Variants in ZBTB34 observed in about 807,000 individuals in gnomAD.
The protein encoded by ZBTB34 is zinc finger and BTB domain-containing protein 34.
A neutral mutation model predicts 33.4 loss-of-function variants in ZBTB34; 1 was observed. The observed-to-expected ratio is 0.03, with a 90% CI of 0.01 to 0.14. ZBTB34 has a LOEUF of 0.14. Among genes scored for constraint, ZBTB34 ranks in the 10% least tolerant of loss-of-function variants. The pLI, the probability that ZBTB34 is intolerant of heterozygous loss-of-function variation, is 1.00. For synonymous variants in ZBTB34, 283 were observed against 253.5 expected (o/e 1.12, Z -1.11); for missense variants, 406 against 657.2 (o/e 0.62, Z 4.18).
Position 126,870,556 on chromosome 9 carries a change from A to G in ZBTB34, c.-10-8834A>G, listed in dbSNP as rs376817535. 3.3e-5 allele frequency among the ~76,000 whole-genome samples: 5 copies of G among 152,376 alleles called. No individual in the cohort carries two copies. The South Asian group carries it at 6.2e-4, about 19-fold the overall frequency. Reference sequence around the variant, plus strand: ...TAAAAAAGGCAAATAAGGGCAAAGGATATGAGTAGGCAGTTCAAAGACAAA... The same window carrying G: ...TAAAAAAGGCAAATAAGGGCAAAGGGTATGAGTAGGCAGTTCAAAGACAAA... On this transcript the variant is annotated intron_variant, in intron 1 of 1. Coordinates refer to ENST00000319119, the Ensembl canonical transcript of ZBTB34.
rs2033410408 is a variant in ZBTB34, at chr9:126,879,883, G to A, written c.484G>A (p.Ala162Thr). Reference sequence around the variant, plus strand: ...CGGAGTGAAAGACAGCAGCTTCTTTGCCAACCCAGTGGAGATCTCTCCTCC... The same window carrying A: ...CGGAGTGAAAGACAGCAGCTTCTTTACCAACCCAGTGGAGATCTCTCCTCC... Residue 162 changes from alanine to threonine, a missense_variant, in exon 2 of 2, where the codon GCC (alanine) becomes ACC (threonine). Ala to Thr is a moderately conservative substitution (Grantham distance 58). Coordinates refer to ENST00000319119, the Ensembl canonical transcript of ZBTB34. This position sits in a 1 kb window ranked among gnomAD's most constrained non-coding sequence, Gnocchi z 6.4. The A allele has an allele frequency of 6.2e-7, 1 of 1,613,002 alleles. No individual in the cohort carries two copies. The highest frequency in any genetic ancestry group is 1.3e-5 in the African/African-American group (1 of 75,032).
chr9:126,871,402 C>G (rs1273988587), intron 1 of ZBTB34, among the ~76,000 whole-genome samples: 4 of 143,086 alleles, frequency 2.8e-5, no homozygotes, highest in African/African-American at 1.0e-4. Flanking sequence ...CTCGCTCTGT[C>G]GCCAGGCTGG....
exon 2 of ZBTB34, chr9:126,885,746 T>C (rs141947749): frequency 1.1e-4 from 19 of 167,250 alleles, no homozygotes; most frequent in African/African-American, 4.6e-4. Context: ...TGTTTTAGAT[T>C]TGTGACATGA....
Position 126,879,811 on chromosome 9 carries a change from G to A in ZBTB34, c.412G>A (p.Val138Ile). ...CCATTCCAAAATCAGCGTTGGAGAT[G>A]TTGACTCTGTTACCGTCGGTGCTGA... The change falls in exon 2 of 2, where the codon GTT (valine) becomes ATT (isoleucine). Residue 138 changes from valine (V) to isoleucine (I), a missense_variant. Physicochemically the swap from Val to Ile is conservative, Grantham distance 29. Coordinates refer to ENST00000319119, the Ensembl canonical transcript of ZBTB34. This position sits in a 1 kb window ranked among gnomAD's most constrained non-coding sequence, Gnocchi z 6.4. 6.2e-7 allele frequency: 1 copy of A among 1,613,308 alleles called. No individual in the cohort carries two copies. Among genetic ancestry groups the A allele is most frequent in the Non-Finnish European group, 8.5e-7 (1 of 1,179,882 alleles).
intron 1 of ZBTB34, among the ~76,000 whole-genome samples, chr9:126,870,696 G>A (rs544626732): frequency 6.6e-6 from 1 of 152,310 alleles, no homozygotes; most frequent in South Asian, 2.1e-4. Flanking sequence ...GGAGGCCGAG[G>A]TGGGTGGATC....
At chr9:126,872,911 T>A (rs2033299907) in intron 1 of ZBTB34, among the ~76,000 whole-genome samples, 1 of 152,228 alleles carries the variant, frequency 6.6e-6, no homozygotes, top group South Asian at 2.1e-4. Flanking sequence ...GCGTTCCGTT[T>A]TTCTCAGTGA....
In ZBTB34 at chr9:126,879,973, A is replaced by C; in HGVS notation, c.574A>C (p.Lys192Gln). 1 of 1,613,414 alleles carries C rather than the reference A, an allele frequency of 6.2e-7. No individual in the cohort carries two copies. The highest frequency in any genetic ancestry group is 8.5e-7 in the Non-Finnish European group (1 of 1,179,894). Residue 192 changes from lysine to glutamine, a missense_variant, in exon 2 of 2, where the codon AAA (lysine) becomes CAA (glutamine). Around this residue, in one of 6 missense-constraint regions of ZBTB34, gnomAD observed 137 missense variants for 173.0 expected, o/e 0.79. Transcript: ENST00000319119. The surrounding 1 kb of genome is among the most constrained non-coding windows in gnomAD (Gnocchi z 6.4). ...CCTCCGGATGGAGACGACCCCCAGC[A>C]AAGCTTTGCGCAGCCGCTTACAGGA... is the stretch of plus-strand genomic sequence containing the variant.
At chr9:126,865,919 A>G (rs554836603) in intron 1 of ZBTB34, among the ~76,000 whole-genome samples, 1 of 152,216 alleles carries the variant, frequency 6.6e-6, no homozygotes, top group East Asian at 1.9e-4. Flanking sequence ...TGGGTGGCGG[A>G]GGTTACAGTG....
intron 1 of ZBTB34, among the ~76,000 whole-genome samples, chr9:126,869,971 A>G (rs1386221615): frequency 6.6e-6 from 1 of 152,252 alleles, no homozygotes; most frequent in Non-Finnish European, 1.5e-5. Context: ...TTTTATAAAC[A>G]AAAACAGAAT....
chr9:126,879,848 A>G lies in ZBTB34; in HGVS notation c.449A>G (p.Glu150Gly). ...ACCGTCGGTGCTGAAGAGAATCCCG[A>G]GAGTCGAAACGGAGTGAAAGACAGC... Residue 150 changes from glutamate to glycine, a missense_variant, in exon 2 of 2, where the codon GAG becomes GGG. Transcript: ENST00000319119. The surrounding 1 kb of genome is among the most constrained non-coding windows in gnomAD (Gnocchi z 6.4). 2 of 1,613,092 alleles carry G rather than the reference A, an allele frequency of 1.2e-6. No homozygotes were observed. The highest frequency in any genetic ancestry group is 2.2e-5 in the South Asian group (2 of 91,082).
chr9:126,870,001 G>A (rs893575806), intron 1 of ZBTB34, among the ~76,000 whole-genome samples: 5 of 152,086 alleles, frequency 3.3e-5, no homozygotes, highest in African/African-American at 9.7e-5. Flanking sequence ...AATACGTATC[G>A]ATACTGAAAA....
intron 1 of ZBTB34, among the ~76,000 whole-genome samples, chr9:126,867,576 A>G (rs2033223769): frequency 6.7e-6 from 1 of 150,174 alleles, no homozygotes. Flanking sequence ...AAATATGCAT[A>G]TATTTTTCCT....
chr9:126,861,439 T>G (rs1347029555), intron 1 of ZBTB34, among the ~76,000 whole-genome samples: 1 of 152,166 alleles, frequency 6.6e-6, no homozygotes, highest in East Asian at 1.9e-4. Context: ...GCCCCTTCCA[T>G]GCTAGGACTC....
At chr9:126,873,708 G>A (rs560388896) in intron 1 of ZBTB34, among the ~76,000 whole-genome samples, 18 of 152,026 alleles carry the variant, frequency 1.2e-4, no homozygotes, top group Admixed American at 1.1e-3. Flanking sequence ...GGGTTCAAGC[G>A]ATTCTCCTGC....
exon 1 of ZBTB34, chr9:126,860,684 G>A (rs1588381314): frequency 6.8e-6 from 1 of 146,590 alleles, no homozygotes; most frequent in South Asian, 1.8e-4. Context: ...GCCTGGCGCC[G>A]GCGGCGGCGG....
At chr9:126,864,979 C>T (rs988224251) in intron 1 of ZBTB34, among the ~76,000 whole-genome samples, 2 of 152,156 alleles carry the variant, frequency 1.3e-5, no homozygotes, top group African/African-American at 4.8e-5. Context: ...TGACTGAAGC[C>T]AGCAGGTGCA....
chr9:126,879,427 T>G lies in ZBTB34; in HGVS notation c.28T>G (p.Phe10Val). The G allele has an allele frequency of 6.2e-7, 1 of 1,613,134 alleles. No individual in the cohort carries two copies. Among genetic ancestry groups the G allele is most frequent in the Non-Finnish European group, 8.5e-7 (1 of 1,179,552 alleles). ...GTCAGTAGAAATGGACAGCAGCAGT[T>G]TTATTCAGTTTGATGTGCCCGAGTA... The change falls in exon 2 of 2, where the codon TTT becomes GTT. Residue 10 changes from phenylalanine to valine, a missense_variant. Physicochemically the swap from Phe to Val is conservative, Grantham distance 50. This residue lies in a region of ZBTB34 where 50 missense variants were observed against 157.9 expected (regional missense o/e 0.32). Transcript: ENST00000319119. The surrounding 1 kb of genome is among the most constrained non-coding windows in gnomAD (Gnocchi z 6.4).
chr9:126,874,110 T>C (rs1458520443), intron 1 of ZBTB34, among the ~76,000 whole-genome samples: 2 of 147,348 alleles, frequency 1.4e-5, no homozygotes, highest in Non-Finnish European at 3.0e-5. Context: ...GGTGCGATCT[T>C]GGCTCACTGC....
intron 1 of ZBTB34, among the ~76,000 whole-genome samples, chr9:126,862,126 T>G (rs1349481096): frequency 6.6e-6 from 1 of 151,896 alleles, no homozygotes; most frequent in Non-Finnish European, 1.5e-5. Flanking sequence ...TAGGGAGGGT[T>G]TAGTGAGGGG....
Sources: allele counts gnomAD v4.1 joint callset (sites outside exome capture counted in the v4.1 genomes callset), GRCh38; gene constraint gnomAD v4.1.1; regional missense constraint gnomAD v4.1.1; non-coding constraint Gnocchi (gnomAD v3.1); transcripts MANE v1.5; gene names NCBI Gene and HGNC (gene_info 2026-07-23, HGNC 2026-07-21).